The following ERC2 variants were observed in gnomAD, a reference collection of about 807,000 sequenced individuals.
The protein encoded by ERC2 is ERC protein 2.
In ERC2, 42 loss-of-function variants were observed where a neutral mutation model predicts 114.8. The observed-to-expected ratio is 0.37, with a 90% confidence interval of 0.29 to 0.47. ERC2 has a LOEUF of 0.47. Ranked by LOEUF, ERC2 falls within the 20% of genes least tolerant of loss-of-function variation. The pLI is 0.99. For missense variants in ERC2, 939 were observed against 1,150.7 expected (o/e 0.82, Z 2.66); for synonymous variants, 454 against 425.5 (o/e 1.07, Z -0.82).
intron 6 of ERC2, among the ~76,000 whole-genome samples, chr3:56,119,680 C>T (rs1368010403): frequency 6.6e-6 from 1 of 152,184 alleles, no homozygotes; most frequent in Non-Finnish European, 1.5e-5. Flanking sequence ...TGTGGCATCC[C>T]CAATGTCTAA....
chr3:55,522,756 A>G (rs1483087309), intron 17 of ERC2, among the ~76,000 whole-genome samples: 1 of 152,216 alleles, frequency 6.6e-6, no homozygotes, highest in Non-Finnish European at 1.5e-5. Context: ...ACTCAGGGAT[A>G]TAAGTGAACT....
At chr3:55,910,215 C>A (rs1434837314) in intron 13 of ERC2, among the ~76,000 whole-genome samples, 2 of 151,822 alleles carry the variant, frequency 1.3e-5, no homozygotes, top group East Asian at 3.9e-4. Context: ...CATGTTGAAA[C>A]CTGGTCTCTG....
intron 2 of ERC2, among the ~76,000 whole-genome samples, chr3:56,401,356 G>C (rs1480878989): frequency 2.0e-5 from 3 of 152,108 alleles, no homozygotes; most frequent in Non-Finnish European, 4.4e-5. Context: ...CTAAAAACTA[G>C]TCCCAATATT....
At chr3:56,445,936 AT>A (rs1320189398) in intron 1 of ERC2, among the ~76,000 whole-genome samples, 2 of 151,766 alleles carry the variant, frequency 1.3e-5, no homozygotes, top group Admixed American at 1.3e-4. Context: ...AAGACATGCT[AT>A]CTTTTTTCTT....
intron 3 of ERC2, among the ~76,000 whole-genome samples, chr3:56,254,108 C>T (rs2052358826): frequency 6.6e-6 from 1 of 152,250 alleles, no homozygotes; most frequent in Non-Finnish European, 1.5e-5. Context: ...GCCCAAGTTT[C>T]AAACCTGGCA....
At chr3:56,010,690 T>C (rs1175469232) in intron 8 of ERC2, 101 bp from the exon 9 acceptor site, 11 of 1,322,748 alleles carry the variant, frequency 8.3e-6, no homozygotes, top group Non-Finnish European at 1.0e-5. Context: ...TAAGAAATGC[T>C]GTACAGGAAT....
intron 17 of ERC2, among the ~76,000 whole-genome samples, chr3:55,535,485 A>G (rs1217223788): frequency 1.3e-5 from 2 of 152,188 alleles, no homozygotes; most frequent in Non-Finnish European, 2.9e-5. Flanking sequence ...TGCCAGAGCA[A>G]AAGATTTATA....
chr3:55,714,667 G>GTGTATATATATA (rs2063990871), intron 15 of ERC2, among the ~76,000 whole-genome samples: 1 of 88,592 alleles, frequency 1.1e-5, no homozygotes, highest in Non-Finnish European at 2.1e-5. Context: ...GTGTGTGTGT[G>GTGTATATATATA]TATATATATA....
chr3:56,366,390 G>T (rs751660835), intron 2 of ERC2, among the ~76,000 whole-genome samples: 34 of 151,560 alleles, frequency 2.2e-4, no homozygotes, highest in South Asian at 1.3e-3. Context: ...CAGTTAACCC[G>T]GACACCCCCC....
At chr3:56,007,687 G>A (rs1211890865) in intron 9 of ERC2, among the ~76,000 whole-genome samples, 1 of 152,056 alleles carries the variant, frequency 6.6e-6, no homozygotes, top group African/African-American at 2.4e-5. Context: ...TGCAGACATT[G>A]AGACAAATAC....
chr3:55,564,649 A>T (rs1055989125), intron 17 of ERC2, among the ~76,000 whole-genome samples: 2 of 152,250 alleles, frequency 1.3e-5, no homozygotes, highest in African/African-American at 4.8e-5. Context: ...GCTCTGTCAC[A>T]GCTCTGTATA....
intron 17 of ERC2, among the ~76,000 whole-genome samples, chr3:55,523,965 A>G (rs995279231): frequency 6.6e-6 from 1 of 152,154 alleles, no homozygotes; most frequent in Non-Finnish European, 1.5e-5. Context: ...TAGACTACCT[A>G]TTACTCCTTC....
Position 55,995,286 on chromosome 3 carries a change from T to A in ERC2, c.2062-3036A>T, listed in dbSNP as rs567405272. 3.3e-5 allele frequency among the ~76,000 whole-genome samples: 5 copies of A among 152,284 alleles called. No homozygotes were observed. The South Asian group carries it at 6.2e-4, about 19-fold the overall frequency. Reference sequence around the variant, plus strand: ...AGGCGGAGGTTTCAGTGAGCCAAGATCATGCCACTATACTCCAGCCTGGCG... The same window carrying A: ...AGGCGGAGGTTTCAGTGAGCCAAGAACATGCCACTATACTCCAGCCTGGCG... On this transcript the variant is annotated intron_variant, in intron 10 of 17. Transcript: ENST00000288221.
intron 4 of ERC2, among the ~76,000 whole-genome samples, chr3:56,155,743 C>A (rs1417972993): frequency 1.3e-5 from 2 of 152,054 alleles, no homozygotes; most frequent in Admixed American, 1.3e-4. Flanking sequence ...AGATGAAATT[C>A]TTTCCAGTTA....
intron 2 of ERC2, among the ~76,000 whole-genome samples, chr3:56,395,856 A>ACTGCTATACCTTG (rs1196852950): frequency 6.6e-6 from 1 of 152,226 alleles, no homozygotes; most frequent in Non-Finnish European, 1.5e-5. Flanking sequence ...GCAATTGAAG[A>ACTGCTATACCTTG]CTGCTATACC....
chr3:55,842,016 T>G (rs1445253467), intron 14 of ERC2, among the ~76,000 whole-genome samples: 3 of 152,228 alleles, frequency 2.0e-5, no homozygotes. Flanking sequence ...ACACTCAGCC[T>G]TTCTCAGTTT....
At chr3:55,534,640 G>A (rs1407051234) in intron 17 of ERC2, among the ~76,000 whole-genome samples, 1 of 152,098 alleles carries the variant, frequency 6.6e-6, no homozygotes, top group African/African-American at 2.4e-5. Context: ...AGGCTGCAGT[G>A]AGCTGAGATT....
chr3:56,352,536 C>A (rs1335253254), intron 2 of ERC2, among the ~76,000 whole-genome samples: 1 of 152,164 alleles, frequency 6.6e-6, no homozygotes, highest in Non-Finnish European at 1.5e-5. Flanking sequence ...AGGTCCTAGT[C>A]ATTGGTGTCT....
rs185859189 is a variant in ERC2 at position 55,950,085 on chromosome 3, C to T, written c.2403+340G>A. Reference sequence around the variant, plus strand: ...ACACACACATTTGCCTTCTTCTATTCCCAAAACAATTTAAATATAAATTGA... The same window carrying T: ...ACACACACATTTGCCTTCTTCTATTTCCAAAACAATTTAAATATAAATTGA... On this transcript the variant is annotated intron_variant, in intron 13 of 17. Transcript: ENST00000288221. Among the ~76,000 whole-genome samples the T allele has an allele frequency of 2.7e-4, 41 of 152,288 alleles. No homozygotes were observed. The East Asian group carries it at 7.5e-3, about 28-fold the overall frequency.
Sources: gnomAD v4.1 joint callset for allele counts (sites outside exome capture counted in the v4.1 genomes callset) on GRCh38, gnomAD v4.1.1 for gene constraint, MANE v1.5 for transcripts, NCBI Gene and HGNC (gene_info 2026-07-23, HGNC 2026-07-21) for gene names.